The following CLASP2 variants were observed in gnomAD, a reference collection of about 807,000 sequenced individuals.
The protein encoded by CLASP2 is cytoplasmic linker associated protein 2.
CLASP2 carries 47 observed loss-of-function variants against 194.4 expected under a neutral mutation model. That is an observed-to-expected ratio of 0.24 (90% CI 0.19 to 0.31). The LOEUF is 0.31. CLASP2 is among the 10% of genes least tolerant of loss of function. The pLI, the probability that CLASP2 is intolerant of heterozygous loss-of-function variation, is 1.00. For synonymous variants in CLASP2, 619 were observed against 633.5 expected (o/e 0.98, Z 0.34); for missense variants, 1,445 against 1,823.6 (o/e 0.79, Z 3.78).
intron 7 of CLASP2, among the ~76,000 whole-genome samples, chr3:33,663,023 T>A (rs952738973): frequency 9.9e-5 from 15 of 152,056 alleles, no homozygotes; most frequent in African/African-American, 3.6e-4. Context: ...TCTCTTGATC[T>A]ATTATAGTCT....
chr3:33,668,743 T>G (rs1017029346), intron 6 of CLASP2, among the ~76,000 whole-genome samples: 1 of 152,106 alleles, frequency 6.6e-6, no homozygotes, highest in Admixed American at 6.5e-5. Flanking sequence ...GCCTACTACC[T>G]GCTAAAGAAG....
intron 23 of CLASP2, among the ~76,000 whole-genome samples, chr3:33,580,877 G>A (rs377525184): frequency 7.3e-5 from 11 of 151,560 alleles, no homozygotes; most frequent in African/African-American, 2.7e-4. Flanking sequence ...TTAGCCGGGC[G>A]TGGTGGCAGG....
chr3:33,576,677 G>A (rs1576659092), intron 23 of CLASP2, among the ~76,000 whole-genome samples: 1 of 152,086 alleles, frequency 6.6e-6, no homozygotes, highest in Admixed American at 6.6e-5. Context: ...GATCCATGAA[G>A]GCACACTAGA....
At chr3:33,709,162 C>CA (rs1575761754) in intron 1 of CLASP2, among the ~76,000 whole-genome samples, 1 of 151,982 alleles carries the variant, frequency 6.6e-6, no homozygotes, top group Non-Finnish European at 1.5e-5. Flanking sequence ...ATGTCAAATC[C>CA]AAAAAATCAC....
intron 1 of CLASP2, among the ~76,000 whole-genome samples, chr3:33,715,307 T>C (rs927032410): frequency 6.6e-6 from 1 of 152,258 alleles, no homozygotes; most frequent in Non-Finnish European, 1.5e-5. Context: ...TCCCATCTTC[T>C]GTTAAGTCAC....
chr3:33,499,848 CAG>C, intron 38 of CLASP2, among the ~76,000 whole-genome samples: 1 of 152,142 alleles, frequency 6.6e-6, no homozygotes, highest in Non-Finnish European at 1.5e-5. Flanking sequence ...CCTGAGGTCA[CAG>C]GGGTGGGTAA....
intron 1 of CLASP2, among the ~76,000 whole-genome samples, chr3:33,710,819 C>A (rs1175115225): frequency 3.3e-5 from 5 of 152,116 alleles, no homozygotes; most frequent in Admixed American, 3.3e-4. Flanking sequence ...CCTGTAGTCC[C>A]AGCTACTCTG....
At chr3:33,627,264 A>T in intron 9 of CLASP2, 184 bp from the exon 10 acceptor site, 1 of 590,620 alleles carries the variant, frequency 1.7e-6, no homozygotes. Flanking sequence ...TTTCTTCCTT[A>T]CTTGTTACCA....
intron 23 of CLASP2, among the ~76,000 whole-genome samples, chr3:33,579,608 G>C (rs1054962985): frequency 1.3e-5 from 2 of 152,206 alleles, no homozygotes; most frequent in African/African-American, 4.8e-5. Flanking sequence ...AGCAGCAGCA[G>C]TGGTGGTAGC....
Position 33,644,770 on chromosome 3 carries a change from G to A in CLASP2, c.849C>T (p.Gly283=). Reference sequence around the variant, plus strand: ...GATTTACATTACCTCCAACCTTAGGGCCACCTGCTGAACCAGGCTTCCTTG... The same window carrying A: ...GATTTACATTACCTCCAACCTTAGGACCACCTGCTGAACCAGGCTTCCTTG... ...NSARKPGSAG[G]PKVGGASKEG... The change falls in exon 8 of 39, where the codon GGC becomes GGT. Residue 283 remains glycine, a synonymous_variant. Transcript: ENST00000682230. 1.2e-6 allele frequency: 2 copies of A among 1,613,206 alleles called. No homozygotes were observed. Among genetic ancestry groups the A allele is most frequent in the Non-Finnish European group, 1.7e-6 (2 of 1,179,616 alleles).
intron 8 of CLASP2, 71 bp from the exon 9 acceptor site, chr3:33,632,442 A>G: frequency 9.5e-7 from 1 of 1,047,796 alleles, no homozygotes; most frequent in Non-Finnish European, 1.4e-6. Context: ...ACAACATGAA[A>G]AATAAAACTC....
chr3:33,500,090 T>C (rs2046498164), intron 38 of CLASP2, among the ~76,000 whole-genome samples: 2 of 152,082 alleles, frequency 1.3e-5, no homozygotes, highest in Non-Finnish European at 2.9e-5. Context: ...TGGAATGCAG[T>C]GGTGTGATCA....
intron 12 of CLASP2, among the ~76,000 whole-genome samples, chr3:33,617,531 G>A (rs1332138165): frequency 6.6e-6 from 1 of 152,064 alleles, no homozygotes; most frequent in Non-Finnish European, 1.5e-5. Flanking sequence ...TGGGAAAGTT[G>A]TTTTAACTAT....
At chr3:33,601,753 C>A (rs1001923304) in intron 18 of CLASP2, among the ~76,000 whole-genome samples, 1 of 152,068 alleles carries the variant, frequency 6.6e-6, no homozygotes, top group Admixed American at 6.5e-5. Context: ...TAATTTTATA[C>A]CAGATTGTAA....
chr3:33,639,598 CAT>C (rs1403612097), intron 8 of CLASP2, among the ~76,000 whole-genome samples: 2 of 152,188 alleles, frequency 1.3e-5, no homozygotes, highest in African/African-American at 2.4e-5. Context: ...CAGTAAAACA[CAT>C]ATTCTTATAC....
In CLASP2 at chr3:33,670,058, A is replaced by G. The variant is rs530790482; in HGVS notation, c.645-6543T>C. Among the ~76,000 whole-genome samples the G allele has an allele frequency of 3.9e-5, 6 of 152,288 alleles. No homozygotes were observed. The East Asian group carries it at 1.2e-3, about 29-fold the overall frequency. On this transcript the variant is annotated intron_variant, in intron 6 of 38. Transcript: ENST00000682230. ...GAACTGTAGCTGGATCCAACAACCCAAAAGAATCTATATATATACATACAC... is the reference window on the plus strand; with the variant it reads ...GAACTGTAGCTGGATCCAACAACCCGAAAGAATCTATATATATACATACAC...
In CLASP2 at chr3:33,581,811, G is replaced by C. The variant is rs764909514; in HGVS notation, c.2347+10C>G. ...TAAGCAATGCACATAACACCTGCCC[G>C]AATACGTACCGAGGGGCTGAAAAGA... On this transcript the variant is annotated intron_variant, in intron 23 of 38. Transcript: ENST00000682230. 4 of 1,599,984 alleles carry C rather than the reference G, an allele frequency of 2.5e-6. No homozygotes were observed. The highest frequency in any genetic ancestry group is 3.4e-6 in the Non-Finnish European group (4 of 1,168,462).
At chr3:33,622,938 A>T (rs1202899840) in intron 10 of CLASP2, among the ~76,000 whole-genome samples, 1 of 151,620 alleles carries the variant, frequency 6.6e-6, no homozygotes, top group Non-Finnish European at 1.5e-5. Flanking sequence ...CCTTCCCAGT[A>T]GCTGGGATTA....
chr3:33,701,627 A>G (rs2092383219), intron 1 of CLASP2, among the ~76,000 whole-genome samples: 1 of 152,194 alleles, frequency 6.6e-6, no homozygotes, highest in Non-Finnish European at 1.5e-5. Context: ...GATCAATGAA[A>G]CAGAAGAGGC....
Sources: allele counts gnomAD v4.1 joint callset (sites outside exome capture counted in the v4.1 genomes callset), GRCh38; gene constraint gnomAD v4.1.1; transcripts MANE v1.5; gene names NCBI Gene and HGNC (gene_info 2026-07-23, HGNC 2026-07-21).